LSAMP: variants seen among roughly 807,000 people sequenced by gnomAD.
LSAMP encodes limbic system-associated membrane protein.
A neutral mutation model predicts 38.6 loss-of-function variants in LSAMP; 7 were observed. The observed-to-expected ratio is 0.18, with a 90% CI of 0.10 to 0.34. LSAMP has a LOEUF of 0.34. Ranked by LOEUF, LSAMP falls within the 10% of genes least tolerant of loss-of-function variation. The pLI, the probability that LSAMP is intolerant of heterozygous loss-of-function variation, is 1.00. For missense variants in LSAMP, 313 were observed against 420.0 expected (o/e 0.75, Z 2.23); for synonymous variants, 154 against 166.8 (o/e 0.92, Z 0.59).
intron 3 of LSAMP, among the ~76,000 whole-genome samples, chr3:115,967,090 C>T (rs1334419311): frequency 6.6e-6 from 1 of 152,128 alleles, no homozygotes. Context: ...TCTTTTCTAT[C>T]GCATTGTCAG....
chr3:116,026,773 C>T (rs1488203591), intron 2 of LSAMP, among the ~76,000 whole-genome samples: 1 of 152,200 alleles, frequency 6.6e-6, no homozygotes, highest in African/African-American at 2.4e-5. Context: ...CACATCCATG[C>T]CCTCCTACAG....
chr3:116,034,763 C>T (rs1941010144), intron 2 of LSAMP, among the ~76,000 whole-genome samples: 1 of 152,164 alleles, frequency 6.6e-6, no homozygotes. Context: ...ATTTGCCCTT[C>T]CTCTAATGAT....
At chr3:116,016,502 C>T (rs950240979) in intron 3 of LSAMP, among the ~76,000 whole-genome samples, 2 of 152,152 alleles carry the variant, frequency 1.3e-5, no homozygotes, top group Admixed American at 6.5e-5. Flanking sequence ...TGGGGGATAT[C>T]CCCAAAGCCC....
chr3:115,843,248 T>A (rs114459265), intron 4 of LSAMP, among the ~76,000 whole-genome samples: 1,911 of 152,360 alleles, frequency 0.013, 14 homozygotes, highest in Non-Finnish European at 0.015. Context: ...ATCAGCCTTC[T>A]ATTCTCTCTG....
intron 3 of LSAMP, among the ~76,000 whole-genome samples, chr3:115,893,689 A>G (rs1936658984): frequency 6.6e-6 from 1 of 151,940 alleles, no homozygotes; most frequent in African/African-American, 2.4e-5. Flanking sequence ...AAACGAAAAA[A>G]TCAGGAATAA....
chr3:116,108,374 T>C (rs1708517416), intron 1 of LSAMP, among the ~76,000 whole-genome samples: 1 of 151,784 alleles, frequency 6.6e-6, no homozygotes. Context: ...GTTGGGGAGT[T>C]TTAAGAGGTT....
chr3:116,010,728 A>G (rs1281507208), intron 3 of LSAMP, among the ~76,000 whole-genome samples: 2 of 152,202 alleles, frequency 1.3e-5, no homozygotes, highest in Non-Finnish European at 1.5e-5. Flanking sequence ...CTTTCCTGAA[A>G]TGTCCAGAAT....
At chr3:116,357,915 T>TAA (rs796503219) in intron 1 of LSAMP, among the ~76,000 whole-genome samples, 17 of 131,744 alleles carry the variant, frequency 1.3e-4, no homozygotes, top group African/African-American at 2.7e-4. Context: ...AACACAGAAT[T>TAA]AAAAAAAAAA....
intron 1 of LSAMP, among the ~76,000 whole-genome samples, chr3:116,273,183 A>G (rs1313629458): frequency 1.3e-5 from 2 of 152,052 alleles, no homozygotes; most frequent in East Asian, 1.9e-4. Context: ...TGCTGTCCCT[A>G]TCAATCCTAT....
At chr3:116,298,876 C>G (rs1296773639) in intron 1 of LSAMP, among the ~76,000 whole-genome samples, 2 of 152,274 alleles carry the variant, frequency 1.3e-5, no homozygotes, top group East Asian at 3.9e-4. Flanking sequence ...CAGACACAAT[C>G]TATCTTTGTA....
intron 1 of LSAMP, among the ~76,000 whole-genome samples, chr3:116,150,060 T>C (rs957377894): frequency 6.6e-6 from 1 of 152,098 alleles, no homozygotes; most frequent in Non-Finnish European, 1.5e-5. Context: ...GAACAGAATG[T>C]ACAAAGCTGA....
chr3:116,022,864 A>G (rs1940677077), intron 2 of LSAMP, among the ~76,000 whole-genome samples: 1 of 152,190 alleles, frequency 6.6e-6, no homozygotes, highest in Non-Finnish European at 1.5e-5. Context: ...ACAGACACCC[A>G]AGTTTCAACA....
At chr3:115,941,592 C>G (rs1014310991) in intron 3 of LSAMP, among the ~76,000 whole-genome samples, 1 of 152,028 alleles carries the variant, frequency 6.6e-6, no homozygotes, top group Non-Finnish European at 1.5e-5. Flanking sequence ...CAGATACACA[C>G]ACACAATAGA....
At chr3:116,376,776 T>C (rs947707986) in intron 1 of LSAMP, among the ~76,000 whole-genome samples, 1 of 152,080 alleles carries the variant, frequency 6.6e-6, no homozygotes, top group Non-Finnish European at 1.5e-5. Flanking sequence ...AATGTTTATA[T>C]AATTCATCAC....
chr3:116,053,614 C>A (rs1941436606), intron 2 of LSAMP, among the ~76,000 whole-genome samples: 1 of 152,108 alleles, frequency 6.6e-6, no homozygotes. Flanking sequence ...TCAAAGGTGG[C>A]AAACTTAAAT....
At chr3:116,181,060 G>A (rs1469129960) in intron 1 of LSAMP, among the ~76,000 whole-genome samples, 1 of 151,994 alleles carries the variant, frequency 6.6e-6, no homozygotes, top group Non-Finnish European at 1.5e-5. Context: ...TGCCCTGTAT[G>A]TAGGAATTGT....
chr3:116,335,945 G>A (rs547177526), intron 1 of LSAMP, among the ~76,000 whole-genome samples: 86 of 152,046 alleles, frequency 5.7e-4, no homozygotes, highest in African/African-American at 1.9e-3. Context: ...TTGAACTATT[G>A]TTAAGCTGTA....
chr3:116,409,203 C>T (rs556382990), intron 1 of LSAMP, among the ~76,000 whole-genome samples: 2 of 152,138 alleles, frequency 1.3e-5, no homozygotes, highest in South Asian at 4.1e-4. Flanking sequence ...CATTTTCCCT[C>T]TGCATCCATC....
intron 3 of LSAMP, among the ~76,000 whole-genome samples, chr3:115,973,054 T>C (rs1939069895): frequency 6.6e-6 from 1 of 152,106 alleles, no homozygotes; most frequent in African/African-American, 2.4e-5. Context: ...AATGCGGTAT[T>C]GGATCTTTGA....
Sources: gnomAD v4.1 joint callset for allele counts (sites outside exome capture counted in the v4.1 genomes callset) on GRCh38, gnomAD v4.1.1 for gene constraint, MANE v1.5 for transcripts, NCBI Gene and HGNC (gene_info 2026-07-23, HGNC 2026-07-21) for gene names.